R3HDM2: variants seen among roughly 807,000 people sequenced by gnomAD.
R3HDM2 encodes the protein R3H domain-containing protein 2.
R3HDM2 carries 38 observed loss-of-function variants against 124.5 expected under a neutral mutation model. That is an observed-to-expected ratio of 0.31 (90% confidence interval 0.24 to 0.40). The LOEUF is 0.40. Among genes scored for constraint, R3HDM2 ranks in the 10% least tolerant of loss-of-function variants. R3HDM2 has a pLI of 1.00. For missense variants in R3HDM2, 869 were observed against 1,236.9 expected (o/e 0.70, Z 4.46); for synonymous variants, 391 against 448.0 (o/e 0.87, Z 1.61).
intron 1 of R3HDM2, among the ~76,000 whole-genome samples, chr12:57,415,839 C>T (rs2069534518): frequency 6.6e-6 from 1 of 151,998 alleles, no homozygotes; most frequent in African/African-American, 2.4e-5. Flanking sequence ...TCGGCCTGGA[C>T]ACTTCAAAAA....
chr12:57,335,492 CTTTT>C (rs34808381), intron 2 of R3HDM2, among the ~76,000 whole-genome samples: 16 of 111,720 alleles, frequency 1.4e-4, no homozygotes, highest in African/African-American at 5.0e-4. Context: ...GCCCGGCCAC[CTTTT>C]TTTTTTTTTT....
chr12:57,270,076 C>T, intron 14 of R3HDM2, 82 bp from the exon 15 acceptor site: 2 of 1,521,084 alleles, frequency 1.3e-6, no homozygotes, highest in Non-Finnish European at 1.8e-6. Context: ...AGAGAAATAG[C>T]AATGCTTTTT....
At chr12:57,322,003 G>A (rs531092335) in intron 2 of R3HDM2, among the ~76,000 whole-genome samples, 1 of 152,308 alleles carries the variant, frequency 6.6e-6, no homozygotes, top group South Asian at 2.1e-4. Context: ...GCCAAGGTGG[G>A]CGGATCACGA....
At position 57,292,601 on chromosome 12, in the gene R3HDM2, T is replaced by G. The variant is rs1331734616; in HGVS notation, c.877A>C (p.Arg293=). 1.3e-6 allele frequency: 2 copies of G among 1,550,132 alleles called. No individual in the cohort carries two copies. The highest frequency in any genetic ancestry group is 3.9e-5 in the Admixed American group (2 of 50,976). ...SIEEREEEYQ[R]VRERIFARET... Reference sequence around the variant, plus strand: ...CGGGCAAATATTCTCTCTCGGACCCTTTGATATTCCTCCTCTCTCTCTTCT... The same window carrying G: ...CGGGCAAATATTCTCTCTCGGACCCGTTGATATTCCTCCTCTCTCTCTTCT... The change falls in exon 11 of 24, where the codon AGG becomes CGG. Residue 293 remains arginine, a synonymous_variant. Coordinates refer to ENST00000402412, the MANE Select transcript of R3HDM2 (RefSeq NM_001394031.1).
At chr12:57,417,384 CAA>C (rs542470589) in intron 1 of R3HDM2, among the ~76,000 whole-genome samples, 20 of 110,208 alleles carry the variant, frequency 1.8e-4, no homozygotes, top group Admixed American at 3.7e-4. Context: ...AATTCCATTT[CAA>C]AAAAAAAAAA....
intron 2 of R3HDM2, among the ~76,000 whole-genome samples, chr12:57,342,594 C>T (rs982506637): frequency 4.6e-5 from 7 of 152,214 alleles, no homozygotes; most frequent in African/African-American, 1.7e-4. Context: ...TGCCTCCACA[C>T]TGCTCTGAGG....
At chr12:57,275,855 T>G (rs1426117963) in intron 14 of R3HDM2, among the ~76,000 whole-genome samples, 1 of 152,170 alleles carries the variant, frequency 6.6e-6, no homozygotes, top group Non-Finnish European at 1.5e-5. Flanking sequence ...CAGGGAACAC[T>G]TCTACACTGC....
intron 4 of R3HDM2, among the ~76,000 whole-genome samples, chr12:57,302,382 G>A (rs548075191): frequency 4.0e-5 from 6 of 151,518 alleles, no homozygotes; most frequent in South Asian, 2.1e-4. Context: ...TCAAGAGTTC[G>A]AAGCCGGGCA....
intron 19 of R3HDM2, among the ~76,000 whole-genome samples, chr12:57,266,515 T>C (rs1424647482): frequency 2.0e-5 from 3 of 152,252 alleles, no homozygotes; most frequent in Admixed American, 2.0e-4. Flanking sequence ...ATTACAGGTG[T>C]GAGCCAGTGT....
intron 2 of R3HDM2, among the ~76,000 whole-genome samples, chr12:57,382,436 A>G (rs371957676): frequency 1.3e-5 from 2 of 149,492 alleles, no homozygotes; most frequent in Admixed American, 6.7e-5. Flanking sequence ...TAGTATAGAC[A>G]GGGTTTCACC....
chr12:57,428,841 G>C (rs935971501), intron 1 of R3HDM2, among the ~76,000 whole-genome samples: 9 of 151,644 alleles, frequency 5.9e-5, no homozygotes, highest in Admixed American at 1.3e-4. Flanking sequence ...CCGCCTCCTG[G>C]GTTCAAATGA....
intron 2 of R3HDM2, among the ~76,000 whole-genome samples, chr12:57,319,876 G>T (rs7975649): frequency 6.6e-6 from 1 of 151,342 alleles, no homozygotes; most frequent in Non-Finnish European, 1.5e-5. Flanking sequence ...AGTCCTTTCA[G>T]CCAATGCAGA....
intron 18 of R3HDM2, 198 bp from the exon 19 acceptor site, chr12:57,267,029 T>C: frequency 2.1e-6 from 1 of 471,398 alleles, no homozygotes; most frequent in Non-Finnish European, 3.9e-6. Context: ...TTGATCATCT[T>C]TCAATTAGGA....
At chr12:57,320,472 C>A in intron 2 of R3HDM2, among the ~76,000 whole-genome samples, 1 of 151,798 alleles carries the variant, frequency 6.6e-6, no homozygotes. Context: ...CCCAGGAGGG[C>A]CTAGATGTGT....
intron 2 of R3HDM2, among the ~76,000 whole-genome samples, chr12:57,343,785 A>C (rs1490639919): frequency 6.8e-6 from 1 of 147,958 alleles, no homozygotes; most frequent in African/African-American, 2.5e-5. Context: ...AAAAAAAAAA[A>C]ACAGGTTCTG....
intron 23 of R3HDM2, 124 bp from the exon 24 acceptor site, chr12:57,255,237 TTC>T: frequency 1.3e-6 from 1 of 788,456 alleles, no homozygotes; most frequent in Non-Finnish European, 2.0e-6. Context: ...AGCCTGGCCT[TTC>T]TCTCTTAGCC....
intron 1 of R3HDM2, among the ~76,000 whole-genome samples, chr12:57,416,424 C>G (rs539652626): frequency 6.6e-6 from 1 of 152,128 alleles, no homozygotes; most frequent in East Asian, 1.9e-4. Flanking sequence ...AATGTTGGAG[C>G]CAAAAAGAAC....
At chr12:57,376,844 G>A (rs915364410) in intron 2 of R3HDM2, among the ~76,000 whole-genome samples, 1 of 151,814 alleles carries the variant, frequency 6.6e-6, no homozygotes, top group Non-Finnish European at 1.5e-5. Context: ...CCAGCTACTT[G>A]GGAGGCTGAG....
intron 2 of R3HDM2, among the ~76,000 whole-genome samples, chr12:57,321,739 C>A (rs924984783): frequency 2.6e-5 from 4 of 152,118 alleles, no homozygotes; most frequent in African/African-American, 9.7e-5. Flanking sequence ...CTCCCCACCC[C>A]CTGCCACCAG....
Sources: gnomAD v4.1 joint callset for allele counts (sites outside exome capture counted in the v4.1 genomes callset) on GRCh38, gnomAD v4.1.1 for gene constraint, MANE v1.5 for transcripts, NCBI Gene and HGNC (gene_info 2026-07-23, HGNC 2026-07-21) for gene names.